Variants in SLC26A4 observed in about 807,000 individuals in gnomAD.
SLC26A4 encodes the protein pendrin.
In SLC26A4, 93 loss-of-function variants were observed where a neutral mutation model predicts 90.4. The observed-to-expected ratio is 1.03, with a 90% CI of 0.87 to 1.22. SLC26A4 has a LOEUF of 1.22. Ranked by LOEUF, SLC26A4 falls within the 50% of genes most tolerant of loss-of-function variation. The pLI is 0.00. For synonymous variants in SLC26A4, 393 were observed against 354.6 expected (o/e 1.11, Z -1.22); for missense variants, 1,127 against 946.2 (o/e 1.19, Z -2.51).
At chr7:107,697,958 C>A in intron 13 of SLC26A4, 84 bp from the exon 14 acceptor site, 1 of 834,468 alleles carries the variant, frequency 1.2e-6, no homozygotes, top group Non-Finnish European at 2.1e-6. Context: ...GAATGATGGG[C>A]TCTTTAGTAG....
chr7:107,672,229 A>G lies in SLC26A4; in HGVS notation c.396A>G (p.Thr132=). 3.8e-6 allele frequency: 6 copies of G among 1,586,884 alleles called. No individual in the cohort carries two copies. Among genetic ancestry groups the G allele is most frequent in the Non-Finnish European group, 5.2e-6 (6 of 1,155,356 alleles). The change falls in exon 4 of 21, where the codon ACA becomes ACG. Residue 132 remains threonine, a synonymous_variant. Coordinates refer to ENST00000644269, the MANE Select transcript of SLC26A4 (RefSeq NM_000441.2). ...TCCTGACATACTTTATCTTTGGAAC[A>G]TCAAGACATATCTCAGTTGGTAATT... is the stretch of plus-strand genomic sequence containing the variant. ...FPILTYFIFG[T]SRHISVGPFP...
chr7:107,704,563 T>C lies in SLC26A4; in HGVS notation c.2089+178T>C, dbSNP rs144209695. Among the ~76,000 whole-genome samples the C allele has an allele frequency of 5.7e-3, 872 of 152,272 alleles. 13 individuals carry two copies. Among genetic ancestry groups the C allele is most frequent in the African/African-American group, 0.019 (807 of 41,564 alleles). ...GCTTCATTCCATAAAACAGAATAAG[T>C]GTTCCAAGGAACTAAGCAGGAGTTC... On this transcript the variant is annotated intron_variant, in intron 18 of 20. Coordinates refer to ENST00000644269, the MANE Select transcript of SLC26A4 (RefSeq NM_000441.2).
intron 13 of SLC26A4, among the ~76,000 whole-genome samples, chr7:107,697,139 C>T (rs756633547): frequency 1.3e-5 from 2 of 152,198 alleles, no homozygotes; most frequent in African/African-American, 4.8e-5. Flanking sequence ...AGAAACGCTC[C>T]TTAGAAGATG....
intron 4 of SLC26A4, 75 bp downstream of exon 4, chr7:107,672,323 T>G (rs112741843): frequency 3.1e-5 from 26 of 833,616 alleles, no homozygotes; most frequent in Non-Finnish European, 4.3e-5. Context: ...GCATTATACC[T>G]CTATTAGGTT....
At chr7:107,662,183 A>G in intron 2 of SLC26A4, 1 of 251,260 alleles carries the variant, frequency 4.0e-6, no homozygotes, top group South Asian at 6.1e-5. Flanking sequence ...GCTCTTGACC[A>G]GGAGGAGTCC....
intron 6 of SLC26A4, among the ~76,000 whole-genome samples, chr7:107,676,165 A>G (rs1393020538): frequency 2.0e-5 from 3 of 152,190 alleles, no homozygotes; most frequent in Non-Finnish European, 2.9e-5. Flanking sequence ...GCCAATCACC[A>G]TGCCTCAGTT....
chr7:107,706,329 G>T (rs112380490), intron 18 of SLC26A4, among the ~76,000 whole-genome samples: 3,759 of 152,226 alleles, frequency 0.025, 154 homozygotes, highest in African/African-American at 0.085. Context: ...TTGCCTGTGA[G>T]CCCAGCTACT....
chr7:107,690,298 G>A lies in SLC26A4; in HGVS notation c.1263+61G>A, dbSNP rs1289190325. 1.1e-5 allele frequency: 11 copies of A among 1,004,390 alleles called. No individual in the cohort carries two copies. The East Asian group carries it at 2.4e-4, about 22-fold the overall frequency. 62.2% of individuals were successfully genotyped at this position (1,004,390 alleles called of 1,614,324 possible). On this transcript the variant is annotated intron_variant, in intron 10 of 20. Transcript: ENST00000644269. ...AACAAGTCGAGGAATGGCAACAGAG[G>A]AAGGCTCGCACCGAGCTTAGCAGGA...
intron 6 of SLC26A4, among the ~76,000 whole-genome samples, chr7:107,676,217 T>A (rs988360803): frequency 2.6e-5 from 4 of 152,194 alleles, no homozygotes; most frequent in African/African-American, 7.2e-5. Flanking sequence ...ATATGCCTCA[T>A]TGGATTGTTA....
chr7:107,711,954 T>G (rs181490028), intron 19 of SLC26A4, among the ~76,000 whole-genome samples: 1 of 152,290 alleles, frequency 6.6e-6, no homozygotes, highest in East Asian at 1.9e-4. Context: ...ATATTTGGAG[T>G]TGCTTTGAAA....
chr7:107,686,269 C>T (rs1206330725), intron 8 of SLC26A4, among the ~76,000 whole-genome samples: 3 of 135,204 alleles, frequency 2.2e-5, no homozygotes, highest in South Asian at 2.5e-4. Context: ...TCTTCCCTTC[C>T]TTCCCTCCCT....
intron 14 of SLC26A4, among the ~76,000 whole-genome samples, chr7:107,699,877 G>A (rs1486992645): frequency 2.7e-5 from 4 of 150,842 alleles, no homozygotes; most frequent in Non-Finnish European, 4.4e-5. Context: ...GCAGTGAGCC[G>A]ACATTGTGCC....
At chr7:107,666,767 C>T (rs1389601367) in intron 3 of SLC26A4, among the ~76,000 whole-genome samples, 1 of 152,068 alleles carries the variant, frequency 6.6e-6, no homozygotes, top group African/African-American at 2.4e-5. Flanking sequence ...TAAACTGAGG[C>T]AGGACTGGGA....
intron 8 of SLC26A4, among the ~76,000 whole-genome samples, chr7:107,686,469 T>C (rs1330364765): frequency 6.7e-6 from 1 of 148,524 alleles, no homozygotes; most frequent in Non-Finnish European, 1.5e-5. Context: ...TTTCTTTCCT[T>C]CTTTCTTTCT....
intron 3 of SLC26A4, among the ~76,000 whole-genome samples, chr7:107,667,482 A>C (rs1299795303): frequency 6.6e-6 from 1 of 150,684 alleles, no homozygotes; most frequent in African/African-American, 2.4e-5. Context: ...AAAAAAAAAA[A>C]AAAGCATAGA....
intron 8 of SLC26A4, among the ~76,000 whole-genome samples, chr7:107,687,778 G>A (rs1791458644): frequency 6.6e-6 from 1 of 152,160 alleles, no homozygotes; most frequent in Non-Finnish European, 1.5e-5. Context: ...CTGAAGTAGG[G>A]TTGACTGGGT....
chr7:107,674,488 T>C (rs1790967495), intron 5 of SLC26A4, 140 bp downstream of exon 5: 1 of 755,630 alleles, frequency 1.3e-6, no homozygotes, highest in African/African-American at 1.7e-5. Context: ...AATTACGTTG[T>C]TTTAGGTCAG....
chr7:107,694,611 CTCTTGGCAGTCGG>C lies in SLC26A4; in HGVS notation c.1342_1354del (p.Ser448LeufsTer3). The C allele has an allele frequency of 6.2e-7, 1 of 1,605,378 alleles. No individual in the cohort carries two copies. Among genetic ancestry groups the C allele is most frequent in the Non-Finnish European group, 8.5e-7 (1 of 1,172,074 alleles). On this transcript the variant is annotated splice_acceptor_variant and splice_polypyrimidine_tract_variant and coding_sequence_variant and intron_variant, in exon 12 of 21. Coordinates refer to ENST00000644269, the MANE Select transcript of SLC26A4 (RefSeq NM_000441.2). LOFTEE classifies it high-confidence loss of function. ...CTGAATAACACAGCCTTCTCTGTCTCTCTTGGCAGTCGGTCTTGGCAGCTGTTGTAATTGCCAA... is the reference window on the plus strand; with the variant it reads ...CTGAATAACACAGCCTTCTCTGTCTCTCTTGGCAGCTGTTGTAATTGCCAA...
intron 17 of SLC26A4, among the ~76,000 whole-genome samples, chr7:107,702,684 C>CAAAAAAAA (rs11462799): frequency 2.0e-5 from 2 of 99,250 alleles, no homozygotes; most frequent in South Asian, 3.9e-4. Flanking sequence ...GACTTCATCT[C>CAAAAAAAA]AAAAAAAAAA....
Sources: allele counts gnomAD v4.1 joint callset (sites outside exome capture counted in the v4.1 genomes callset), GRCh38; gene constraint gnomAD v4.1.1; transcripts MANE v1.5; gene names NCBI Gene and HGNC (gene_info 2026-07-23, HGNC 2026-07-21).